LAMA2: variants seen among roughly 807,000 people sequenced by gnomAD.
The protein encoded by LAMA2 is laminin subunit alpha-2.
In LAMA2, 269 loss-of-function variants were observed where a neutral mutation model predicts 364.8. The observed-to-expected ratio is 0.74, with a 90% confidence interval of 0.67 to 0.82. The LOEUF (loss-of-function observed/expected upper bound fraction) is 0.82. LAMA2 is among the 40% of genes least tolerant of loss of function. The probability of loss-of-function intolerance (pLI) is 0.00; values close to 1 mark genes in which losing one functional copy is unlikely to be tolerated. For synonymous variants in LAMA2, 1,379 were observed against 1,370.6 expected (o/e 1.01, Z -0.14); for missense variants, 3,807 against 3,873.2 (o/e 0.98, Z 0.45).
At chr6:129,258,944 A>C (rs1047551174) in intron 14 of LAMA2, among the ~76,000 whole-genome samples, 1 of 152,020 alleles carries the variant, frequency 6.6e-6, no homozygotes, top group Non-Finnish European at 1.5e-5. Flanking sequence ...AGAATATAGC[A>C]CTCAATTAAT....
chr6:129,475,962 C>T (rs1011618105), intron 53 of LAMA2, among the ~76,000 whole-genome samples: 41 of 152,096 alleles, frequency 2.7e-4, no homozygotes, highest in Non-Finnish European at 1.5e-4. Context: ...AGCTATGGTG[C>T]CAGATGAAGG....
chr6:129,142,455 T>C (rs2114956421), intron 4 of LAMA2, among the ~76,000 whole-genome samples: 1 of 150,962 alleles, frequency 6.6e-6, no homozygotes, highest in East Asian at 1.9e-4. Flanking sequence ...ACCCTCAGGA[T>C]CTAATTACCT....
At chr6:129,501,087 G>T (rs935760065) in intron 58 of LAMA2, among the ~76,000 whole-genome samples, 2 of 152,192 alleles carry the variant, frequency 1.3e-5, no homozygotes, top group African/African-American at 4.8e-5. Context: ...TGATTTCTGA[G>T]GAAGACTGCA....
chr6:129,401,246 G>A lies in LAMA2; in HGVS notation c.5468G>A (p.Ser1823Asn), dbSNP rs777082683. The A allele has an allele frequency of 2.5e-6, 4 of 1,609,374 alleles. No individual in the cohort carries two copies. The highest frequency in any genetic ancestry group is 4.5e-5 in the East Asian group (2 of 44,826). ...CAGAAAAAGAAGGAGGCTGTTGAAA[G>A]CGGCAAACGACAAATTGAGAACACT... Reference protein sequence around the residue: ...ALEKKKEAVESGKRQIENTLK... With the variant: ...ALEKKKEAVENGKRQIENTLK... The change falls in exon 38 of 65, where the codon AGC (serine) becomes AAC (asparagine). Residue 1823 changes from serine (S) to asparagine (N), a missense_variant. By Grantham distance (46) the Ser-to-Asn change is conservative. Coordinates refer to ENST00000421865, the MANE Select transcript of LAMA2 (RefSeq NM_000426.4).
At chr6:129,005,990 T>G (rs538501501) in intron 1 of LAMA2, among the ~76,000 whole-genome samples, 3 of 152,128 alleles carry the variant, frequency 2.0e-5, no homozygotes, top group Admixed American at 1.3e-4. Context: ...GAGACTGTGT[T>G]TTTAACAAAA....
intron 7 of LAMA2, among the ~76,000 whole-genome samples, chr6:129,153,481 C>T (rs557810636): frequency 6.6e-6 from 1 of 152,292 alleles, no homozygotes. Context: ...TTGGCACCTG[C>T]CATGTATCTT....
intron 12 of LAMA2, among the ~76,000 whole-genome samples, chr6:129,228,070 A>T (rs187244950): frequency 6.6e-6 from 1 of 152,250 alleles, no homozygotes; most frequent in African/African-American, 2.4e-5. Flanking sequence ...CTTGCAGTTC[A>T]GTCTCAGACT....
intron 1 of LAMA2, among the ~76,000 whole-genome samples, chr6:128,941,327 G>T (rs1457045956): frequency 1.3e-5 from 2 of 152,164 alleles, no homozygotes; most frequent in African/African-American, 4.8e-5. Flanking sequence ...AGAATGAGGT[G>T]GGGGAGGTTC....
intron 58 of LAMA2, among the ~76,000 whole-genome samples, chr6:129,495,041 G>A (rs1785086544): frequency 6.6e-6 from 1 of 152,124 alleles, no homozygotes; most frequent in African/African-American, 2.4e-5. Context: ...AGATCATCTG[G>A]TCCAATCACC....
chr6:129,308,828 G>A (rs1307558971), intron 22 of LAMA2, among the ~76,000 whole-genome samples: 1 of 152,162 alleles, frequency 6.6e-6, no homozygotes, highest in Non-Finnish European at 1.5e-5. Context: ...GCCAAGCAAG[G>A]ACAGACTTCC....
At chr6:129,182,113 T>C (rs1404673878) in intron 10 of LAMA2, among the ~76,000 whole-genome samples, 1 of 151,722 alleles carries the variant, frequency 6.6e-6, no homozygotes, top group Non-Finnish European at 1.5e-5. Flanking sequence ...AAAAATGTAA[T>C]AAAAATACTT....
chr6:129,298,688 T>A (rs1006120392), intron 21 of LAMA2, among the ~76,000 whole-genome samples: 2 of 152,218 alleles, frequency 1.3e-5, no homozygotes, highest in Non-Finnish European at 2.9e-5. Flanking sequence ...TGTTATTCAC[T>A]GTTGTGGCAA....
At chr6:129,185,034 G>T (rs73773694) in intron 10 of LAMA2, among the ~76,000 whole-genome samples, 1 of 151,884 alleles carries the variant, frequency 6.6e-6, no homozygotes, top group Non-Finnish European at 1.5e-5. Context: ...TTAGTCTAAA[G>T]GTCATAACAG....
chr6:128,913,384 T>A lies in LAMA2; in HGVS notation c.112+30027T>A, dbSNP rs562638334. 2.8e-4 allele frequency among the ~76,000 whole-genome samples: 43 copies of A among 152,320 alleles called. No homozygotes were observed. In the Middle Eastern group the frequency reaches 0.01, roughly 36 times the overall value. ...TCGACTGGTGTACTTTGTCTCTAAATGACACATTTCTATGAAAAAAAGATC... is the reference window on the plus strand; with the variant it reads ...TCGACTGGTGTACTTTGTCTCTAAAAGACACATTTCTATGAAAAAAAGATC... On this transcript the variant is annotated intron_variant, in intron 1 of 64. Coordinates refer to ENST00000421865, the MANE Select transcript of LAMA2 (RefSeq NM_000426.4).
intron 13 of LAMA2, among the ~76,000 whole-genome samples, chr6:129,251,808 G>A (rs1276592492): frequency 6.6e-5 from 10 of 152,106 alleles, no homozygotes; most frequent in South Asian, 2.1e-4. Flanking sequence ...GGTGGCAGGC[G>A]CCTGTAATCT....
intron 34 of LAMA2, among the ~76,000 whole-genome samples, chr6:129,373,210 A>G (rs76809868): frequency 0.077 from 11,774 of 152,210 alleles, 564 homozygotes; most frequent in Admixed American, 0.14. Context: ...TCATTGCCAT[A>G]TCCACGGTCA....
chr6:129,309,314 A>T (rs897814851), intron 22 of LAMA2, among the ~76,000 whole-genome samples: 31 of 152,316 alleles, frequency 2.0e-4, no homozygotes, highest in African/African-American at 5.3e-4. Flanking sequence ...AAATTTGATG[A>T]TGGCCATAGT....
At chr6:129,427,975 CTATT>C (rs1236198388) in intron 41 of LAMA2, 121 bp downstream of exon 41, 5 of 724,086 alleles carry the variant, frequency 6.9e-6, no homozygotes, top group Non-Finnish European at 9.6e-6. Context: ...ATTCTATAAT[CTATT>C]TAATGCAAGT....
At chr6:129,485,249 C>T (rs1784536277) in intron 55 of LAMA2, among the ~76,000 whole-genome samples, 1 of 152,092 alleles carries the variant, frequency 6.6e-6, no homozygotes, top group African/African-American at 2.4e-5. Flanking sequence ...CCAAATTTCT[C>T]CTCTTCAAGA....
Sources: gnomAD v4.1 joint callset for allele counts (sites outside exome capture counted in the v4.1 genomes callset) on GRCh38, gnomAD v4.1.1 for gene constraint, MANE v1.5 for transcripts, NCBI Gene and HGNC (gene_info 2026-07-23, HGNC 2026-07-21) for gene names.